RGS3: variants seen among roughly 807,000 people sequenced by gnomAD.
The protein encoded by RGS3 is regulator of G-protein signalling 3.
Under a neutral mutation model 132.6 loss-of-function variants are expected in RGS3, and 80 were observed. The observed-to-expected ratio is 0.60, with a 90% CI of 0.50 to 0.73. The LOEUF is 0.73. RGS3 is among the 30% of genes least tolerant of loss of function. RGS3 has a pLI of 0.00. For synonymous variants in RGS3, 598 were observed against 620.6 expected, an observed-to-expected ratio of 0.96 and a Z score of 0.54; for missense variants, 1,382 against 1,530.8, an observed-to-expected ratio of 0.90 and a Z score of 1.62.
intron 3 of RGS3, among the ~76,000 whole-genome samples, chr9:113,470,409 T>G (rs987725456): frequency 3.3e-5 from 5 of 152,234 alleles, no homozygotes; most frequent in African/African-American, 1.2e-4. Flanking sequence ...CAGTTTTTCC[T>G]TTACATATGT....
chr9:113,528,370 A>T (rs1284388568), intron 17 of RGS3, among the ~76,000 whole-genome samples: 1 of 152,172 alleles, frequency 6.6e-6, no homozygotes, highest in Non-Finnish European at 1.5e-5. Flanking sequence ...GGGAGGGACC[A>T]GGCTGCTTCT....
intron 16 of RGS3, among the ~76,000 whole-genome samples, chr9:113,521,320 C>T (rs1269912335): frequency 6.6e-6 from 1 of 152,110 alleles, no homozygotes; most frequent in African/African-American, 2.4e-5. Context: ...AGAAGCCAAG[C>T]CATATTTTGA....
rs955819159 is a variant in RGS3 at position 113,565,354 on chromosome 9, A to G, written c.2038-18096A>G. ...CTCTCCAGAGTGGCGGTGGCCGGCTAGACAGGGTGTGTGTTTGGGAAAGGC... is the reference window on the plus strand; with the variant it reads ...CTCTCCAGAGTGGCGGTGGCCGGCTGGACAGGGTGTGTGTTTGGGAAAGGC... On this transcript the variant is annotated intron_variant, in intron 19 of 24. Transcript: ENST00000350696. This position sits in a 1 kb window ranked among gnomAD's most constrained non-coding sequence, Gnocchi z 5.7. 8 of 1,289,898 alleles carry G rather than the reference A, an allele frequency of 6.2e-6. No individual in the cohort carries two copies. The highest frequency in any genetic ancestry group is 8.1e-6 in the Non-Finnish European group (8 of 988,808). The allele number at this position is 1,289,898 out of a possible 1,614,324, so 79.9% of individuals were successfully genotyped here. A position where few individuals can be genotyped will look rare whatever the true frequency, so the allele number is the denominator to read the frequency against.
intron 17 of RGS3, among the ~76,000 whole-genome samples, chr9:113,525,148 G>A (rs995063637): frequency 6.6e-6 from 1 of 152,148 alleles, no homozygotes; most frequent in Admixed American, 6.5e-5. Flanking sequence ...GTGTGTGTGT[G>A]CATGTGTCTG....
chr9:113,555,360 C>T (rs1033820294), intron 19 of RGS3, among the ~76,000 whole-genome samples: 10 of 152,174 alleles, frequency 6.6e-5, no homozygotes, highest in East Asian at 5.8e-4. Flanking sequence ...AGCCTGTCCT[C>T]GTGGCCTCTA....
In RGS3 at chr9:113,565,343, G is replaced by T; in HGVS notation, c.2038-18107G>T. The T allele has an allele frequency of 1.6e-6, 2 of 1,289,862 alleles. No individual in the cohort carries two copies. The highest frequency in any genetic ancestry group is 1.0e-6 in the Non-Finnish European group (1 of 988,838). 79.9% of individuals were successfully genotyped at this position (1,289,862 alleles called of 1,614,324 possible). ...AAATCCAGCCTCTCTCCAGAGTGGC[G>T]GTGGCCGGCTAGACAGGGTGTGTGT... On this transcript the variant is annotated intron_variant, in intron 19 of 24. Transcript: ENST00000350696. This position sits in a 1 kb window ranked among gnomAD's most constrained non-coding sequence, Gnocchi z 5.7.
chr9:113,593,372 A>T (rs1325179845), intron 21 of RGS3: 2 of 152,246 alleles, frequency 1.3e-5, no homozygotes, highest in Non-Finnish European at 2.9e-5. Flanking sequence ...TGAATAATCA[A>T]TTTTTCATTT....
exon 6 of RGS3, chr9:113,484,210 G>A (rs1252543432): frequency 6.2e-7 from 1 of 1,609,766 alleles, no homozygotes; most frequent in South Asian, 1.1e-5. Context: ...CAGAGACCCG[G>A]CTTTCCACGA....
At chr9:113,487,003 A>C (rs1203749721) in intron 7 of RGS3, among the ~76,000 whole-genome samples, 2 of 150,950 alleles carry the variant, frequency 1.3e-5, no homozygotes, top group East Asian at 4.0e-4. Context: ...CTTGGAGCTG[A>C]GAGTGAGGAG....
chr9:113,578,652 G>C (rs922441696), intron 19 of RGS3, among the ~76,000 whole-genome samples: 1 of 152,158 alleles, frequency 6.6e-6, no homozygotes, highest in African/African-American at 2.4e-5. Context: ...TGAGCCAGGA[G>C]AGCTAAGTGT....
At position 113,594,539 on chromosome 9, in the gene RGS3, C is replaced by T; in HGVS notation, c.3182+8C>T. On this transcript the variant is annotated splice_region_variant and intron_variant, in intron 22 of 24. Coordinates refer to ENST00000350696, the Ensembl canonical transcript of RGS3. ...AATGATGAAGTCATTCAAGTAGGTC[C>T]TCCCTGGCACCCTGGGACCCTTTGG... is the stretch of plus-strand genomic sequence containing the variant. 1 of 1,610,350 alleles carries T rather than the reference C, an allele frequency of 6.2e-7. No homozygotes were observed. Among genetic ancestry groups the T allele is most frequent in the Non-Finnish European group, 8.5e-7 (1 of 1,177,364 alleles).
upstream of RGS3, among the ~76,000 whole-genome samples, chr9:113,456,033 C>T (rs1354422818): frequency 2.0e-5 from 3 of 152,162 alleles, no homozygotes; most frequent in East Asian, 1.9e-4. Flanking sequence ...CTAATGGACA[C>T]TTCTCAGTTA....
rs189644998 is a variant in RGS3 at position 113,478,009 on chromosome 9, T to G, written c.416-1482T>G. Among the ~76,000 whole-genome samples, 5 of 152,126 alleles carry G rather than the reference T, an allele frequency of 3.3e-5. No individual in the cohort carries two copies. In the East Asian group the frequency reaches 9.6e-4, roughly 29 times the overall value. On this transcript the variant is annotated intron_variant, in intron 3 of 24. Transcript: ENST00000350696. Reference sequence around the variant, plus strand: ...TTTCGATGTCACCGAGGAAGAGGAGTGTGACCCTCTCTCTCTTCTCTGTCT... The same window carrying G: ...TTTCGATGTCACCGAGGAAGAGGAGGGTGACCCTCTCTCTCTTCTCTGTCT...
At chr9:113,472,007 A>T (rs1240045592) in intron 3 of RGS3, among the ~76,000 whole-genome samples, 1 of 152,220 alleles carries the variant, frequency 6.6e-6, no homozygotes, top group Non-Finnish European at 1.5e-5. Flanking sequence ...AAAATGGCTA[A>T]CAGCATGTGA....
At chr9:113,523,433 G>A (rs1227160127) in intron 17 of RGS3, among the ~76,000 whole-genome samples, 8 of 152,126 alleles carry the variant, frequency 5.3e-5, no homozygotes, top group Admixed American at 5.2e-4. Flanking sequence ...AACCGAGAAG[G>A]TTGCTGTGAA....
At chr9:113,497,217 G>T (rs1830715770) in intron 8 of RGS3, 97 bp from the exon 7 acceptor site, 4 of 877,778 alleles carry the variant, frequency 4.6e-6, no homozygotes, top group Non-Finnish European at 7.4e-6. Flanking sequence ...TCCTGTGGGT[G>T]GGTGTCCAGT....
chr9:113,557,370 C>T (rs1833611069), intron 19 of RGS3, among the ~76,000 whole-genome samples: 2 of 152,220 alleles, frequency 1.3e-5, no homozygotes, highest in South Asian at 4.1e-4. Context: ...CTCCCTCAAT[C>T]ATTTCATCAA....
intron 19 of RGS3, among the ~76,000 whole-genome samples, chr9:113,577,131 G>A (rs956073116): frequency 8.6e-5 from 13 of 152,010 alleles, no homozygotes; most frequent in Non-Finnish European, 2.9e-5. Flanking sequence ...TTACAGGTGC[G>A]CGCCATGTTG....
intron 17 of RGS3, among the ~76,000 whole-genome samples, chr9:113,526,924 T>C (rs1229231888): frequency 6.6e-6 from 1 of 152,208 alleles, no homozygotes; most frequent in Non-Finnish European, 1.5e-5. Context: ...AGAATTTCTC[T>C]CCTGGGTCAG....
Sources: gnomAD v4.1 joint callset for allele counts (sites outside exome capture counted in the v4.1 genomes callset) on GRCh38, gnomAD v4.1.1 for gene constraint, Gnocchi (gnomAD v3.1) non-coding constraint, MANE v1.5 for transcripts, NCBI Gene and HGNC (gene_info 2026-07-23, HGNC 2026-07-21) for gene names.